Variants in C1orf53 observed in about 807,000 individuals in gnomAD.
C1orf53 encodes the protein chromosome 1 open reading frame 53.
C1orf53 carries 23 observed loss-of-function variants against 17.5 expected under a neutral mutation model. The observed-to-expected ratio is 1.31, with a 90% CI of 0.94 to 1.86. The LOEUF (loss-of-function observed/expected upper bound fraction) is 1.86, where lower values mean the gene tolerates loss of function less well. Ranked by LOEUF, C1orf53 falls within the 40% of genes most tolerant of loss-of-function variation. The pLI is 0.00. For synonymous variants in C1orf53, 108 were observed against 81.9 expected, an observed-to-expected ratio of 1.32 and a Z score of -1.72; for missense variants, 255 against 193.2, an observed-to-expected ratio of 1.32 and a Z score of -1.89.
chr1:197,903,590 A>G (rs1659474050), intron 1 of C1orf53, among the ~76,000 whole-genome samples: 1 of 151,850 alleles, frequency 6.6e-6, no homozygotes, highest in South Asian at 2.1e-4. Flanking sequence ...AAACAGTGAG[A>G]AAAAAAGAGA....
chr1:197,904,639 C>A (rs191025642), intron 1 of C1orf53, among the ~76,000 whole-genome samples: 102 of 152,258 alleles, frequency 6.7e-4, no homozygotes, highest in African/African-American at 2.4e-3. Flanking sequence ...TCTCCCTGGA[C>A]TTGGGAAGTC....
At position 197,905,757 on chromosome 1, in the gene C1orf53, A is replaced by AGCT. The variant is rs1193795910; in HGVS notation, c.265-39_265-38insGCT. The AGCT allele has an allele frequency of 3.1e-6, 4 of 1,297,578 alleles. No homozygotes were observed. The Admixed American group carries it at 6.8e-5, about 22-fold the overall frequency. The allele number at this position is 1,297,578 out of a possible 1,614,324, so 80.4% of individuals were successfully genotyped here. A position where few individuals can be genotyped will look rare whatever the true frequency, so the allele number is the denominator to read the frequency against. On this transcript the variant is annotated intron_variant, in intron 1 of 2. Coordinates refer to ENST00000367393, the MANE Select transcript of C1orf53 (RefSeq NM_001024594.3). ...ATTATGGTGAAGAGATATGATGAAT[A>AGCT]TTGAGATTAATGAATTGTTTCATTT...
intron 2 of C1orf53, among the ~76,000 whole-genome samples, chr1:197,906,841 C>T (rs955127782): frequency 2.6e-5 from 4 of 152,114 alleles, no homozygotes; most frequent in Non-Finnish European, 5.9e-5. Flanking sequence ...GTTCCTGTGC[C>T]CTTAGCTGTT....
chr1:197,905,833 A>C lies in C1orf53; in HGVS notation c.302A>C (p.Tyr101Ser), dbSNP rs200185591. The C allele has an allele frequency of 1.9e-6, 3 of 1,613,874 alleles. No homozygotes were observed. The highest frequency in any genetic ancestry group is 4.5e-5 in the East Asian group (2 of 44,900). Reference protein sequence around the residue: ...QLNYVDPATGYVVLTQIAHLQ... With the variant: ...QLNYVDPATGSVVLTQIAHLQ... ...AACTATGTGGATCCAGCTACTGGCTATGTGGTGCTCACACAGATTGCCCAC... is the reference window on the plus strand; with the variant it reads ...AACTATGTGGATCCAGCTACTGGCTCTGTGGTGCTCACACAGATTGCCCAC... Residue 101 changes from tyrosine to serine, a missense_variant, in exon 2 of 3, where the codon TAT becomes TCT. Coordinates refer to ENST00000367393, the MANE Select transcript of C1orf53 (RefSeq NM_001024594.3).
At chr1:197,907,005 A>G (rs1659531039) in intron 2 of C1orf53, 144 bp from the exon 3 acceptor site, 2 of 483,770 alleles carry the variant, frequency 4.1e-6, no homozygotes. Context: ...GGTTGCCAAT[A>G]TTTTTCTCTT....
At position 197,905,906 on chromosome 1, in the gene C1orf53, C is replaced by T. The variant is rs377598858; in HGVS notation, c.366+9C>T. 1.1e-4 allele frequency: 178 copies of T among 1,595,642 alleles called. No homozygotes were observed. Among genetic ancestry groups the T allele is most frequent in the Non-Finnish European group, 1.4e-4 (161 of 1,163,596 alleles). On this transcript the variant is annotated intron_variant, in intron 2 of 2. Transcript: ENST00000367393. Reference sequence around the variant, plus strand: ...GCTCTGCGTGCAGACATGTGAGTAGCAATTCTTGCATTACAGCAGCAGTTT... The same window carrying T: ...GCTCTGCGTGCAGACATGTGAGTAGTAATTCTTGCATTACAGCAGCAGTTT...
chr1:197,904,266 A>C (rs1458921498), intron 1 of C1orf53, among the ~76,000 whole-genome samples: 1 of 152,110 alleles, frequency 6.6e-6, no homozygotes, highest in Non-Finnish European at 1.5e-5. Flanking sequence ...AACTGTCAGC[A>C]CCCTTGCTTC....
intron 2 of C1orf53, 142 bp downstream of exon 2, chr1:197,906,039 A>AAAGG: frequency 4.5e-6 from 3 of 659,680 alleles, no homozygotes; most frequent in Non-Finnish European, 8.1e-6. Context: ...GCCAACGACA[A>AAAGG]TGAAGTCCTT....
rs1659535951 is a variant in C1orf53 at position 197,907,275 on chromosome 1, C to T, written c.*55C>T. 9.8e-7 allele frequency: 1 copy of T among 1,015,596 alleles called. No homozygotes were observed. The highest frequency in any genetic ancestry group is 1.5e-6 in the Non-Finnish European group (1 of 672,704). The allele number at this position is 1,015,596 out of a possible 1,614,324, so 62.9% of individuals were successfully genotyped here. ...GCTTGTATTTTTTAAAAAATAAAGC[C>T]CCAATTCAGAATTGCTGGATTATTA... On this transcript the variant is annotated 3_prime_UTR_variant, in exon 3 of 3. Transcript: ENST00000367393.
At chr1:197,905,649 T>C (rs751028516) in intron 1 of C1orf53, 147 bp from the exon 2 acceptor site, 4 of 607,288 alleles carry the variant, frequency 6.6e-6, no homozygotes, top group Non-Finnish European at 1.2e-5. Flanking sequence ...GTGCATTTGG[T>C]CTTTAATTGC....
At chr1:197,903,000 G>A (rs1230482679) in intron 1 of C1orf53, 87 bp downstream of exon 1, 5 of 1,225,882 alleles carry the variant, frequency 4.1e-6, no homozygotes, top group African/African-American at 3.2e-5. Context: ...CGGACCCGGA[G>A]GCCGCCCGGC....
chr1:197,905,833 A>G lies in C1orf53; in HGVS notation c.302A>G (p.Tyr101Cys), dbSNP rs200185591. The change falls in exon 2 of 3, where the codon TAT (tyrosine) becomes TGT (cysteine). Residue 101 changes from tyrosine to cysteine, a missense_variant. Tyr to Cys is a radical substitution (Grantham distance 194, BLOSUM62 -2). Transcript: ENST00000367393. ...QLNYVDPATGYVVLTQIAHLQ... is the reference protein window; with the variant it reads ...QLNYVDPATGCVVLTQIAHLQ... ...AACTATGTGGATCCAGCTACTGGCT[A>G]TGTGGTGCTCACACAGATTGCCCAC... The G allele has an allele frequency of 1.1e-3, 1,805 of 1,613,952 alleles. 36 individuals carry two copies. The South Asian group carries it at 0.019, about 17-fold the overall frequency.
At position 197,907,175 on chromosome 1, in the gene C1orf53, A is replaced by G. The variant is rs762186433; in HGVS notation, c.393A>G (p.Lys131=). 7.0e-6 allele frequency: 11 copies of G among 1,582,732 alleles called. No individual in the cohort carries two copies. The highest frequency in any genetic ancestry group is 1.3e-5 in the African/African-American group (1 of 74,174). ...RHCPYGQVNV[K]DPSKKKQFNS... ...GTCCATATGGTCAAGTCAATGTTAA[A>G]GATCCATCTAAAAAGAAGCAATTCA... The change falls in exon 3 of 3, where the codon AAA becomes AAG. Residue 131 remains lysine (K), a synonymous_variant. Transcript: ENST00000367393.
rs750577427 is a variant in C1orf53, at chr1:197,907,180, C to T, written c.398C>T (p.Pro133Leu). ...CPYGQVNVKDPSKKKQFNSYF... is the reference protein window; with the variant it reads ...CPYGQVNVKDLSKKKQFNSYF... ...TATGGTCAAGTCAATGTTAAAGATC[C>T]ATCTAAAAAGAAGCAATTCAATTCA... Residue 133 changes from proline (P) to leucine (L), a missense_variant, in exon 3 of 3, where the codon CCA (proline) becomes CTA (leucine). Pro to Leu is a moderately conservative substitution (Grantham distance 98). Coordinates refer to ENST00000367393, the MANE Select transcript of C1orf53 (RefSeq NM_001024594.3). 6.3e-7 allele frequency: 1 copy of T among 1,582,250 alleles called. No individual in the cohort carries two copies. Among genetic ancestry groups the T allele is most frequent in the Non-Finnish European group, 8.6e-7 (1 of 1,156,314 alleles).
At chr1:197,905,995 T>C in intron 2 of C1orf53, 98 bp downstream of exon 2, 3 of 933,100 alleles carry the variant, frequency 3.2e-6, no homozygotes, top group Non-Finnish European at 5.2e-6. Flanking sequence ...AAAAACCAAA[T>C]AGACCTGGAG....
In C1orf53 at chr1:197,907,231, ATC is replaced by A. The variant is rs1557965889; in HGVS notation, c.*15_*16del. On this transcript the variant is annotated 3_prime_UTR_variant, in exon 3 of 3. Coordinates refer to ENST00000367393, the MANE Select transcript of C1orf53 (RefSeq NM_001024594.3). ...TATTTTTATGTTTGACAAGAATTTC[ATC>A]TCTGTTCCCTAACTGTGCTTGTATT... is the stretch of plus-strand genomic sequence containing the variant. 2 of 1,470,622 alleles carry A rather than the reference ATC, an allele frequency of 1.4e-6. No individual in the cohort carries two copies. The highest frequency in any genetic ancestry group is 4.6e-5 in the East Asian group (2 of 43,514). The allele number at this position is 1,470,622 out of a possible 1,614,324, so 91.1% of individuals were successfully genotyped here.
In C1orf53 at chr1:197,902,892, G is replaced by A. The variant is rs1376384715; in HGVS notation, c.243G>A (p.Glu81=). The change falls in exon 1 of 3, where the codon GAG becomes GAA. Residue 81 remains glutamate, a synonymous_variant. Transcript: ENST00000367393. ...CCGCGGCGGAGCGACAGATCGCGGA[G>A]CTGCACGCTGCCGCCTGCGCGGTGA... ...ELTAAERQIA[E]LHAAACAAGQ... The A allele has an allele frequency of 2.7e-6, 4 of 1,483,190 alleles. No individual in the cohort carries two copies. The highest frequency in any genetic ancestry group is 2.9e-5 in the East Asian group (1 of 34,060). The allele number at this position is 1,483,190 out of a possible 1,614,324, so 91.9% of individuals were successfully genotyped here.
chr1:197,904,997 C>G (rs1659498472), intron 1 of C1orf53, among the ~76,000 whole-genome samples: 1 of 152,014 alleles, frequency 6.6e-6, no homozygotes, highest in Admixed American at 6.6e-5. Context: ...CTACAAAAAC[C>G]CAAGGCTAAG....
chr1:197,906,234 A>G (rs967294183), intron 2 of C1orf53, among the ~76,000 whole-genome samples: 4 of 152,210 alleles, frequency 2.6e-5, no homozygotes, highest in Non-Finnish European at 5.9e-5. Context: ...GAAATCTAGA[A>G]TGTTGCAGAT....
Sources: gnomAD v4.1 joint callset for allele counts (sites outside exome capture counted in the v4.1 genomes callset) on GRCh38, gnomAD v4.1.1 for gene constraint, MANE v1.5 for transcripts, NCBI Gene and HGNC (gene_info 2026-07-23, HGNC 2026-07-21) for gene names.